The following TMEM106B variants were observed in gnomAD, a reference collection of about 807,000 sequenced individuals.
TMEM106B encodes the protein transmembrane protein 106B.
Under a neutral mutation model 31.1 loss-of-function variants are expected in TMEM106B, and 15 were observed. The ratio of observed to expected loss-of-function variants is 0.48; its 90% CI spans 0.32 to 0.74. The LOEUF is 0.74. TMEM106B is among the 30% of genes least tolerant of loss of function. The probability of loss-of-function intolerance (pLI) is 0.03; values close to 1 mark genes in which losing one functional copy is unlikely to be tolerated. For missense variants in TMEM106B, 283 were observed against 327.3 expected (o/e 0.86, Z 1.04); for synonymous variants, 126 against 112.5 (o/e 1.12, Z -0.76).
At chr7:12,214,708 G>A (rs1177534256) in intron 1 of TMEM106B, 101 bp from the exon 2 acceptor site, 11 of 1,031,222 alleles carry the variant, frequency 1.1e-5, no homozygotes, top group Non-Finnish European at 1.4e-5. Context: ...GAGTTTGACT[G>A]TTCCTTGACT....
intron 3 of TMEM106B, among the ~76,000 whole-genome samples, chr7:12,223,482 C>T (rs1781828444): frequency 6.6e-6 from 1 of 152,032 alleles, no homozygotes; most frequent in African/African-American, 2.4e-5. Context: ...CTAATGCTCT[C>T]CCTTCCCCAT....
chr7:12,226,219 C>A (rs924370451), intron 4 of TMEM106B, among the ~76,000 whole-genome samples: 2 of 152,044 alleles, frequency 1.3e-5, no homozygotes, highest in African/African-American at 4.8e-5. Flanking sequence ...GTGTTCTGTT[C>A]CATTGGTCTG....
intron 4 of TMEM106B, among the ~76,000 whole-genome samples, chr7:12,224,671 G>A (rs3800843): frequency 0.51 from 76,993 of 151,940 alleles, 20,540 homozygotes; most frequent in African/African-American, 0.66. Context: ...TTACTTTTCA[G>A]CATATGACTC....
Position 12,236,943 on chromosome 7 carries a change from T to C in TMEM106B, c.*4968T>C, listed in dbSNP as rs1311657924. ...TGGTCAGATATTTGAATGATGGTATTACCTAGATTCTAATCCTTGATTCTA... is the reference window on the plus strand; with the variant it reads ...TGGTCAGATATTTGAATGATGGTATCACCTAGATTCTAATCCTTGATTCTA... On this transcript the variant is annotated 3_prime_UTR_variant, in exon 8 of 8. Coordinates refer to ENST00000396668, the MANE Select transcript of TMEM106B (RefSeq NM_001134232.2). 1 of 152,054 alleles carries C rather than the reference T, an allele frequency of 6.6e-6. No individual in the cohort carries two copies. Among genetic ancestry groups the C allele is most frequent in the Admixed American group, 6.6e-5 (1 of 15,254 alleles). 9.4% of individuals were successfully genotyped at this position (152,054 alleles called of 1,614,324 possible). A position where few individuals can be genotyped will look rare whatever the true frequency, so the allele number is the denominator to read the frequency against.
rs762829193 is a variant in TMEM106B at position 12,231,786 on chromosome 7, A to C, written c.687-51A>C. ...GTGTTAAAGTAGTCTCACTATGGAA[A>C]AACTTCTAATATAACTATTAAATGT... On this transcript the variant is annotated intron_variant, in intron 7 of 7. Transcript: ENST00000396668. The C allele has an allele frequency of 6.1e-6, 9 of 1,471,872 alleles. No homozygotes were observed. In the South Asian group the frequency reaches 1.2e-4, roughly 19 times the overall value. The allele number at this position is 1,471,872 out of a possible 1,614,324, so 91.2% of individuals were successfully genotyped here.
At chr7:12,219,670 C>T (rs1428305240) in intron 3 of TMEM106B, among the ~76,000 whole-genome samples, 1 of 151,922 alleles carries the variant, frequency 6.6e-6, no homozygotes, top group African/African-American at 2.4e-5. Flanking sequence ...AATTTACAGA[C>T]CTCTGGAAAG....
chr7:12,240,417 TG>T lies in TMEM106B; in HGVS notation c.*8443del, dbSNP rs1212248155. On this transcript the variant is annotated 3_prime_UTR_variant, in exon 8 of 8. Transcript: ENST00000396668. ...TCACAAAGTTTGAGCCAAGTTTTTT[TG>T]TTTTAAACTTGTTTTAAACTTTTGT... The T allele has an allele frequency of 2.0e-5, 3 of 152,194 alleles. No homozygotes were observed. Among genetic ancestry groups the T allele is most frequent in the Non-Finnish European group, 4.4e-5 (3 of 68,044 alleles). The allele number at this position is 152,194 out of a possible 1,614,324, so 9.4% of individuals were successfully genotyped here.
rs955871343 is a variant in TMEM106B at position 12,242,262 on chromosome 7, A to G, written c.*10287A>G. The G allele has an allele frequency of 2.2e-5, 2 of 92,524 alleles. No homozygotes were observed. The highest frequency in any genetic ancestry group is 3.9e-5 in the Non-Finnish European group (2 of 51,310). The allele number at this position is 92,524 out of a possible 1,614,324, so 5.7% of individuals were successfully genotyped here. On this transcript the variant is annotated 3_prime_UTR_variant, in exon 8 of 8. Transcript: ENST00000396668. ...GTGGCGGGCGCCTGTAGTCCCAGCT[A>G]CTCGGGAGGCTGAGGCAGGAGAATG...
chr7:12,223,751 C>T (rs1033597160), intron 3 of TMEM106B, among the ~76,000 whole-genome samples: 1 of 140,678 alleles, frequency 7.1e-6, no homozygotes, highest in Non-Finnish European at 1.5e-5. Flanking sequence ...TACAGAGTCT[C>T]GCTCTCTCGT....
chr7:12,213,263 C>T (rs1217136135), intron 1 of TMEM106B, among the ~76,000 whole-genome samples: 2 of 112,698 alleles, frequency 1.8e-5, no homozygotes, highest in Non-Finnish European at 3.5e-5. Flanking sequence ...GGAACATTGG[C>T]TTCATAATTT....
chr7:12,225,276 A>G (rs887323416), intron 4 of TMEM106B, among the ~76,000 whole-genome samples: 13 of 152,138 alleles, frequency 8.5e-5, no homozygotes, highest in African/African-American at 3.1e-4. Context: ...ATTGATGGAC[A>G]TTTCGGTTGT....
At chr7:12,230,556 G>A in intron 6 of TMEM106B, 118 bp downstream of exon 6, 1 of 643,818 alleles carries the variant, frequency 1.6e-6, no homozygotes, top group East Asian at 3.0e-5. Context: ...ACATTATGTA[G>A]TATTCTGGCT....
At chr7:12,222,089 A>G (rs1036730354) in intron 3 of TMEM106B, among the ~76,000 whole-genome samples, 1 of 152,198 alleles carries the variant, frequency 6.6e-6, no homozygotes, top group African/African-American at 2.4e-5. Flanking sequence ...TACTTTAGCT[A>G]TGTCATTTAA....
At chr7:12,227,281 A>C (rs1335474452) in intron 4 of TMEM106B, among the ~76,000 whole-genome samples, 3 of 152,094 alleles carry the variant, frequency 2.0e-5, no homozygotes, top group Non-Finnish European at 4.4e-5. Context: ...ATATATTAGT[A>C]GTACTACTTT....
rs1583224914 is a variant in TMEM106B, at chr7:12,236,548, T to C, written c.*4573T>C. ...TAAGAGATACAATTTCAGCATATTT[T>C]ATATATTAAAAAACAAAAAAGGATT... On this transcript the variant is annotated 3_prime_UTR_variant, in exon 8 of 8. Coordinates refer to ENST00000396668, the MANE Select transcript of TMEM106B (RefSeq NM_001134232.2). 3 of 152,002 alleles carry C rather than the reference T, an allele frequency of 2.0e-5. No homozygotes were observed. The highest frequency in any genetic ancestry group is 7.2e-5 in the African/African-American group (3 of 41,532). The allele number at this position is 152,002 out of a possible 1,614,324, so 9.4% of individuals were successfully genotyped here. A position where few individuals can be genotyped will look rare whatever the true frequency, so the allele number is the denominator to read the frequency against.
chr7:12,224,266 C>T lies in TMEM106B; in HGVS notation c.322C>T (p.Leu108Phe), dbSNP rs777649392. ...VMASVFVCLLLSGLAVFFLFP... is the reference protein window; with the variant it reads ...VMASVFVCLLFSGLAVFFLFP... ...GGCTTCTGTGTTTGTCTGTCTACTC[C>T]TTTCTGGATTGGCTGTGTTTTTCCT... Residue 108 changes from leucine to phenylalanine, a missense_variant, in exon 4 of 8, where the codon CTT (leucine) becomes TTT (phenylalanine). By Grantham distance (22) the Leu-to-Phe change is conservative. Coordinates refer to ENST00000396668, the MANE Select transcript of TMEM106B (RefSeq NM_001134232.2). 2 of 1,614,018 alleles carry T rather than the reference C, an allele frequency of 1.2e-6. No homozygotes were observed. Among genetic ancestry groups the T allele is most frequent in the South Asian group, 1.1e-5 (1 of 91,072 alleles).
intron 4 of TMEM106B, among the ~76,000 whole-genome samples, chr7:12,228,055 ATCATGTCTAGAAATGAAAT>A (rs1781937585): frequency 6.6e-6 from 1 of 151,904 alleles, no homozygotes; most frequent in Non-Finnish European, 1.5e-5. Context: ...TCTCTTTCCT[ATCATGTCTAGAAATGAAAT>A]TGACATGAAC....
rs1782046640 is a variant in TMEM106B, at chr7:12,232,559, C to T, written c.*584C>T. 6.6e-6 allele frequency: 1 copy of T among 152,268 alleles called. No homozygotes were observed. 9.4% of individuals were successfully genotyped at this position (152,268 alleles called of 1,614,324 possible). On this transcript the variant is annotated 3_prime_UTR_variant, in exon 8 of 8. Transcript: ENST00000396668. ...TTATTTCAGGTTAGTGATTGCCTAA[C>T]ACTTATAAGCCAAAATAATCTTTGC...
intron 4 of TMEM106B, among the ~76,000 whole-genome samples, chr7:12,226,112 C>T (rs112430481): frequency 6.8e-6 from 1 of 147,824 alleles, no homozygotes; most frequent in East Asian, 2.0e-4. Flanking sequence ...TTTCCCAGGA[C>T]CATTTATTAA....
Sources: gnomAD v4.1 joint callset for allele counts (sites outside exome capture counted in the v4.1 genomes callset) on GRCh38, gnomAD v4.1.1 for gene constraint, MANE v1.5 for transcripts, NCBI Gene and HGNC (gene_info 2026-07-23, HGNC 2026-07-21) for gene names.